CDH23: variants seen among roughly 807,000 people sequenced by gnomAD.
CDH23 encodes the protein cadherin-23.
In CDH23, 189 loss-of-function variants were observed where a neutral mutation model predicts 317.1. The observed-to-expected ratio is 0.60, with a 90% CI of 0.53 to 0.67. CDH23 has a LOEUF of 0.67. Among genes scored for constraint, CDH23 ranks in the 30% least tolerant of loss-of-function variants. CDH23 has a pLI of 0.00. For synonymous variants in CDH23, 1,839 were observed against 1,876.8 expected (o/e 0.98, Z 0.52); for missense variants, 4,401 against 4,592.4 (o/e 0.96, Z 1.20).
intron 38 of CDH23, among the ~76,000 whole-genome samples, chr10:71,756,964 G>T (rs1386317448): frequency 6.6e-6 from 1 of 152,194 alleles, no homozygotes; most frequent in Non-Finnish European, 1.5e-5. Flanking sequence ...GTACCCACTG[G>T]TACAGGAACA....
rs759093040 is a variant in CDH23, at chr10:71,802,964, A to G, written c.7549A>G (p.Ser2517Gly). ...GTTCTCCAAGCCCCAGTTCAGCACAAGCGTGTATGAGAATGAGCCGGCGGG... is the reference window on the plus strand; with the variant it reads ...GTTCTCCAAGCCCCAGTTCAGCACAGGCGTGTATGAGAATGAGCCGGCGGG... ...PQFSKPQFST[S>G]VYENEPAGTS... Residue 2517 changes from serine to glycine, a missense_variant, in exon 54 of 70, where the codon AGC becomes GGC. Physicochemically the swap from Ser to Gly is moderately conservative, Grantham distance 56 (BLOSUM62 0). Transcript: ENST00000224721. The G allele has an allele frequency of 3.7e-6, 6 of 1,614,020 alleles. No individual in the cohort carries two copies. In the South Asian group the frequency reaches 4.4e-5, roughly 12 times the overall value.
At chr10:71,644,996 C>T (rs538873188) in intron 12 of CDH23, among the ~76,000 whole-genome samples, 8 of 152,316 alleles carry the variant, frequency 5.3e-5, no homozygotes, top group African/African-American at 1.9e-4. Flanking sequence ...GCTGAATCTC[C>T]CACCTTCAGC....
chr10:71,410,457 G>A (rs752441288), intron 1 of CDH23, among the ~76,000 whole-genome samples: 6 of 152,190 alleles, frequency 3.9e-5, no homozygotes, highest in Non-Finnish European at 7.3e-5. Flanking sequence ...AGGAGGGCAG[G>A]AAGAGAGGCA....
chr10:71,715,911 TG>T, intron 28 of CDH23: 3 of 1,446,018 alleles, frequency 2.1e-6, no homozygotes, highest in Non-Finnish European at 1.8e-6. Context: ...TAGGGGGATG[TG>T]GGGGCATGTT....
chr10:71,613,296 C>G (rs114539084), intron 9 of CDH23, among the ~76,000 whole-genome samples: 4 of 152,218 alleles, frequency 2.6e-5, no homozygotes, highest in Non-Finnish European at 5.9e-5. Context: ...TCCTGTCCCC[C>G]CAACTCCCCA....
rs1013552135 is a variant in CDH23, at chr10:71,397,913, G to A, written c.-6+595G>A. Among the ~76,000 whole-genome samples, 1 of 152,196 alleles carries A rather than the reference G, an allele frequency of 6.6e-6. No homozygotes were observed. Among genetic ancestry groups the A allele is most frequent in the Non-Finnish European group, 1.5e-5 (1 of 68,038 alleles). ...ATTCGGTCCAGCTATGGGAAGACGC[G>A]CCCCTCGAGGAGCCGGGAGCCTTTT... On this transcript the variant is annotated intron_variant, in intron 1 of 69. Coordinates refer to ENST00000224721, the MANE Select transcript of CDH23 (RefSeq NM_022124.6). This position sits in a 1 kb window ranked among gnomAD's most constrained non-coding sequence, Gnocchi z 4.8.
chr10:71,477,637 G>C (rs562066828), intron 3 of CDH23, among the ~76,000 whole-genome samples: 1 of 152,168 alleles, frequency 6.6e-6, no homozygotes. Flanking sequence ...AGCACTGAAC[G>C]AGCATGCCCT....
chr10:71,576,499 A>AG (rs1858210091), intron 8 of CDH23, among the ~76,000 whole-genome samples: 1 of 151,654 alleles, frequency 6.6e-6, no homozygotes, highest in South Asian at 2.1e-4. Flanking sequence ...GCACAGGTGA[A>AG]GGGGGTGGGG....
At chr10:71,489,217 A>C (rs1852512206) in intron 3 of CDH23, among the ~76,000 whole-genome samples, 2 of 152,234 alleles carry the variant, frequency 1.3e-5, no homozygotes, top group African/African-American at 4.8e-5. Flanking sequence ...AATGTAAGTT[A>C]GATCATTTAT....
chr10:71,683,443 C>T (rs549279586), intron 18 of CDH23, among the ~76,000 whole-genome samples: 2 of 152,224 alleles, frequency 1.3e-5, no homozygotes, highest in African/African-American at 4.8e-5. Flanking sequence ...GCAGCCTCTG[C>T]CACTGCCCAC....
intron 11 of CDH23, among the ~76,000 whole-genome samples, chr10:71,621,464 G>GGCC (rs1472048548): frequency 6.6e-6 from 1 of 152,194 alleles, no homozygotes; most frequent in Non-Finnish European, 1.5e-5. Flanking sequence ...GTGTAATCCA[G>GGCC]GCCCTCATGC....
intron 16 of CDH23, among the ~76,000 whole-genome samples, chr10:71,678,096 G>A (rs1283214737): frequency 6.6e-6 from 1 of 152,192 alleles, no homozygotes; most frequent in Non-Finnish European, 1.5e-5. Flanking sequence ...TTTATACACA[G>A]TGTCTGTCTC....
Position 71,751,591 on chromosome 10 carries a change from A to G in CDH23, c.4845+9670A>G. On this transcript the variant is annotated intron_variant, in intron 38 of 69. Coordinates refer to ENST00000224721, the MANE Select transcript of CDH23 (RefSeq NM_022124.6). This position sits in a 1 kb window ranked among gnomAD's most constrained non-coding sequence, Gnocchi z 4.9. ...GTGGAACTCTTCAGGGAGGGCAGGG[A>G]GTGAGGCCGATGCCCTGCAGGCCAT... 6.9e-7 allele frequency: 1 copy of G among 1,457,582 alleles called. No individual in the cohort carries two copies. The highest frequency in any genetic ancestry group is 9.2e-7 in the Non-Finnish European group (1 of 1,088,296). 90.3% of individuals were successfully genotyped at this position (1,457,582 alleles called of 1,614,324 possible).
At chr10:71,442,299 C>A (rs1047172406) in intron 2 of CDH23, among the ~76,000 whole-genome samples, 4 of 152,200 alleles carry the variant, frequency 2.6e-5, no homozygotes, top group Admixed American at 1.3e-4. Flanking sequence ...TCTTTCTGGT[C>A]CCTGTCTGAA....
In CDH23 at chr10:71,732,035, A is replaced by C; in HGVS notation, c.3764A>C (p.Lys1255Thr). Residue 1255 changes from lysine to threonine, a missense_variant, in exon 32 of 70, where the codon AAG becomes ACG. Transcript: ENST00000224721. ...NYRILSGAEGKFEIDESTGLI... is the reference protein window; with the variant it reads ...NYRILSGAEGTFEIDESTGLI... The stretch of plus-strand genomic sequence containing the variant: ...CGCATCCTGTCGGGCGCAGAGGGGA[A>C]GTTTGAGATTGACGAGAGCACAGGG... The C allele has an allele frequency of 6.2e-7, 1 of 1,613,998 alleles. No individual in the cohort carries two copies. Among genetic ancestry groups the C allele is most frequent in the African/African-American group, 1.3e-5 (1 of 75,052 alleles).
intron 6 of CDH23, among the ~76,000 whole-genome samples, chr10:71,543,897 T>C (rs898397359): frequency 1.3e-5 from 2 of 151,970 alleles, no homozygotes; most frequent in Non-Finnish European, 2.9e-5. Context: ...AGCAGACGGA[T>C]CCTTGGGCCT....
At chr10:71,811,781 G>A (rs760976855) in intron 65 of CDH23, 28 bp downstream of exon 65, 1 of 1,562,070 alleles carries the variant, frequency 6.4e-7, no homozygotes, top group South Asian at 1.2e-5. Flanking sequence ...TGGGGACACA[G>A]GTGAGAAGGC....
chr10:71,437,892 C>T (rs1461602722), intron 1 of CDH23, among the ~76,000 whole-genome samples: 1 of 152,144 alleles, frequency 6.6e-6, no homozygotes, highest in East Asian at 1.9e-4. Context: ...CACCCAGCAA[C>T]ACCCTCATCT....
At chr10:71,537,724 C>T (rs1016803678) in intron 6 of CDH23, among the ~76,000 whole-genome samples, 1 of 152,214 alleles carries the variant, frequency 6.6e-6, no homozygotes, top group African/African-American at 2.4e-5. Context: ...TTATCCTAGG[C>T]CCCAAATCGA....
Sources: gnomAD v4.1 joint callset for allele counts (sites outside exome capture counted in the v4.1 genomes callset) on GRCh38, gnomAD v4.1.1 for gene constraint, Gnocchi (gnomAD v3.1) non-coding constraint, MANE v1.5 for transcripts, NCBI Gene and HGNC (gene_info 2026-07-23, HGNC 2026-07-21) for gene names.